The following ZNF117 variants were observed in gnomAD, a reference collection of about 807,000 sequenced individuals.
ZNF117 encodes the protein Krueppel-related zinc finger protein.
Under a neutral mutation model 41.2 loss-of-function variants are expected in ZNF117, and 37 were observed. The ratio of observed to expected loss-of-function variants is 0.90; its 90% CI spans 0.69 to 1.18. The LOEUF is 1.18. Among genes scored for constraint, ZNF117 ranks in the 50% most tolerant of loss-of-function variants. The pLI, the probability that ZNF117 is intolerant of heterozygous loss-of-function variation, is 0.00. For missense variants in ZNF117, 546 were observed against 557.5 expected, an observed-to-expected ratio of 0.98 and a Z score of 0.21; for synonymous variants, 186 against 186.6, an observed-to-expected ratio of 1.00 and a Z score of 0.02.
At chr7:64,979,444 C>G in exon 3 of ZNF117, 1 of 1,609,874 alleles carries the variant, frequency 6.2e-7, no homozygotes, top group Non-Finnish European at 8.5e-7. Context: ...TTCTCATATC[C>G]ACATTTTCTA....
At chr7:64,977,762 A>G in exon 3 of ZNF117, 1 of 908,034 alleles carries the variant, frequency 1.1e-6, no homozygotes, top group South Asian at 1.3e-5. Flanking sequence ...GAATTATTTT[A>G]TGTGTAGTAA....
In ZNF117 at chr7:64,989,192, T is replaced by C. The variant is rs543406196; in HGVS notation, c.-196+755A>G. 4.1e-4 allele frequency among the ~76,000 whole-genome samples: 60 copies of C among 147,578 alleles called. 2 individuals are homozygous for C. The South Asian group carries it at 0.011, about 27-fold the overall frequency. The stretch of plus-strand genomic sequence containing the variant: ...ATACACATATACACACACACACACA[T>C]ATATATAAACGACTCATAGAACAAG... On this transcript the variant is annotated intron_variant, in intron 1 of 3. Transcript: ENST00000282869.
exon 3 of ZNF117, chr7:64,977,125 T>C: frequency 4.0e-6 from 2 of 498,156 alleles, no homozygotes; most frequent in Non-Finnish European, 8.2e-6. Context: ...TTAAAAGCTT[T>C]ACCACATTCT....
exon 3 of ZNF117, chr7:64,977,065 GTT>G: frequency 1.9e-6 from 1 of 532,894 alleles, no homozygotes; most frequent in South Asian, 1.4e-5. Flanking sequence ...CATTTGTAGA[GTT>G]TCTCTCCAGT....
upstream of ZNF117, among the ~76,000 whole-genome samples, chr7:64,985,984 T>G (rs1299857723): frequency 8.3e-6 from 1 of 121,122 alleles, no homozygotes; most frequent in Non-Finnish European, 1.8e-5. Context: ...AGAAAGAAAA[T>G]ATCCTCCCTT....
At chr7:64,977,761 T>G (rs1785922783) in exon 3 of ZNF117, 1 of 912,652 alleles carries the variant, frequency 1.1e-6, no homozygotes, top group Non-Finnish European at 1.7e-6. Context: ...TGAATTATTT[T>G]ATGTGTAGTA....
exon 3 of ZNF117, chr7:64,974,659 G>A (rs1294693035): frequency 6.6e-6 from 1 of 151,896 alleles, no homozygotes; most frequent in Non-Finnish European, 1.5e-5. Flanking sequence ...TTTGCAGGCA[G>A]AGAGACATGT....
intron 2 of ZNF117, 126 bp from the exon 4 acceptor site, chr7:64,979,662 T>A (rs1524821): frequency 3.0e-5 from 20 of 661,080 alleles, no homozygotes; most frequent in African/African-American, 1.1e-4. Context: ...CCACAGGTTC[T>A]AATTCCTTCA....
chr7:64,974,119 T>C (rs1031389561), downstream of ZNF117: 4 of 151,912 alleles, frequency 2.6e-5, no homozygotes, highest in African/African-American at 7.2e-5. Context: ...ATAAGAAATA[T>C]AGGCTTATAT....
chr7:64,974,867 G>C (rs1174290679), exon 3 of ZNF117: 1 of 151,844 alleles, frequency 6.6e-6, no homozygotes, highest in Non-Finnish European at 1.5e-5. Flanking sequence ...ATAAATGCTG[G>C]AGTTGATGGA....
In ZNF117 at chr7:64,978,929, AATTAT is replaced by A; in HGVS notation, c.637_641del (p.Ile213SerfsTer10). ...ATTTGTAGGGAATTTCCCCAGTATG[AATTAT>A]ATTATGTGTAGTAAGGGTCGATGAC... On this transcript the variant is annotated frameshift_variant, in exon 3 of 3. Coordinates refer to ENST00000620222, the Ensembl canonical transcript of ZNF117. LOFTEE classifies it high-confidence loss of function. The A allele has an allele frequency of 6.2e-7, 1 of 1,613,222 alleles. No homozygotes were observed.
upstream of ZNF117, among the ~76,000 whole-genome samples, chr7:64,985,789 T>C (rs888306892): frequency 2.6e-5 from 4 of 151,808 alleles, no homozygotes; most frequent in African/African-American, 4.8e-5. Flanking sequence ...TGAAACCTCA[T>C]CTCTACTGAA....
upstream of ZNF117, among the ~76,000 whole-genome samples, chr7:64,986,652 T>A (rs1362639798): frequency 6.6e-6 from 1 of 151,382 alleles, no homozygotes; most frequent in African/African-American, 2.4e-5. Context: ...TATGAGGGAG[T>A]CATGTAACTT....
chr7:64,976,958 G>A (rs759254491), exon 3 of ZNF117: 2 of 533,554 alleles, frequency 3.7e-6, no homozygotes, highest in Non-Finnish European at 7.6e-6. Context: ...GGTTAGCTTT[G>A]CCACATTCTT....
At chr7:64,973,810 T>A (rs1785821362), downstream of ZNF117, 1 of 151,916 alleles carries the variant, frequency 6.6e-6, no homozygotes, top group South Asian at 2.1e-4. Context: ...CTTTTTAAAT[T>A]CAGCAAAATT....
chr7:64,978,691 T>A, exon 3 of ZNF117: 1 of 1,612,824 alleles, frequency 6.2e-7, no homozygotes. Context: ...CTCTTATGTG[T>A]AGTAAGGGTT....
downstream of ZNF117, chr7:64,973,941 C>A (rs1165372202): frequency 6.6e-6 from 1 of 151,876 alleles, no homozygotes; most frequent in African/African-American, 2.4e-5. Context: ...GGAATGTTTA[C>A]AGGTTATTAT....
upstream of ZNF117, among the ~76,000 whole-genome samples, chr7:64,985,735 T>G (rs1173051546): frequency 6.6e-6 from 1 of 151,942 alleles, no homozygotes; most frequent in Admixed American, 6.6e-5. Flanking sequence ...CTGAGGCTGG[T>G]GAATCATGAG....
chr7:64,981,003 C>T lies in ZNF117; in HGVS notation c.34+384G>A, dbSNP rs574054215. On this transcript the variant is annotated intron_variant, in intron 2 of 2. Coordinates refer to ENST00000620222, the Ensembl canonical transcript of ZNF117. The stretch of plus-strand genomic sequence containing the variant: ...AAAACCAATGGAACAGAAATCACTA[C>T]TCACACATTTCAGACTTGATGCAAA... 23 of 216,050 alleles carry T rather than the reference C, an allele frequency of 1.1e-4. No individual in the cohort carries two copies. In the South Asian group the frequency reaches 1.6e-3, roughly 15 times the overall value. The allele number at this position is 216,050 out of a possible 1,614,324, so 13.4% of individuals were successfully genotyped here. A position where few individuals can be genotyped will look rare whatever the true frequency, so the allele number is the denominator to read the frequency against.
Sources: allele counts gnomAD v4.1 joint callset (sites outside exome capture counted in the v4.1 genomes callset), GRCh38; gene constraint gnomAD v4.1.1; transcripts MANE v1.5; gene names NCBI Gene and HGNC (gene_info 2026-07-23, HGNC 2026-07-21).